Variants in AKAP7 observed in about 807,000 individuals in gnomAD.
AKAP7 encodes A kinase (PRKA) anchor protein 7.
In AKAP7, 39 loss-of-function variants were observed where a neutral mutation model predicts 39.5. The observed-to-expected ratio is 0.99, with a 90% CI of 0.76 to 1.29. The LOEUF is 1.29. AKAP7 is among the 50% of genes most tolerant of loss of function. The probability of loss-of-function intolerance (pLI) is 0.00; values close to 1 mark genes in which losing one functional copy is unlikely to be tolerated. For synonymous variants in AKAP7, 140 were observed against 139.1 expected, an observed-to-expected ratio of 1.01 and a Z score of -0.05; for missense variants, 414 against 407.7, an observed-to-expected ratio of 1.02 and a Z score of -0.13.
rs1229342758 is a variant in AKAP7 at position 131,283,285 on chromosome 6, G to C, written c.*1559G>C. On this transcript the variant is annotated 3_prime_UTR_variant, in exon 8 of 8. Transcript: ENST00000431975. Reference sequence around the variant, plus strand: ...GAACTTGTTTGCACTGCTTCTGTTTGAAAGAGCATCTTGAAAAACTTCCCC... The same window carrying C: ...GAACTTGTTTGCACTGCTTCTGTTTCAAAGAGCATCTTGAAAAACTTCCCC... The C allele has an allele frequency of 6.6e-6, 1 of 152,570 alleles. No homozygotes were observed. Among genetic ancestry groups the C allele is most frequent in the Non-Finnish European group, 1.5e-5 (1 of 68,034 alleles). The allele number at this position is 152,570 out of a possible 1,614,324, so 9.5% of individuals were successfully genotyped here. A position where few individuals can be genotyped will look rare whatever the true frequency, so the allele number is the denominator to read the frequency against.
At chr6:131,185,241 C>T (rs1585038505) in intron 5 of AKAP7, 3 of 467,412 alleles carry the variant, frequency 6.4e-6, no homozygotes, top group African/African-American at 2.0e-5. Context: ...GGGGTGGGCT[C>T]ACCGCTTTTT....
At chr6:131,259,560 T>C (rs193151148) in intron 7 of AKAP7, among the ~76,000 whole-genome samples, 1 of 152,346 alleles carries the variant, frequency 6.6e-6, no homozygotes, top group African/African-American at 2.4e-5. Flanking sequence ...CATTTTCTTT[T>C]GGTGGTCTTA....
intron 5 of AKAP7, among the ~76,000 whole-genome samples, chr6:131,183,119 T>C (rs747315548): frequency 9.9e-5 from 15 of 152,248 alleles, no homozygotes; most frequent in African/African-American, 2.6e-4. Flanking sequence ...TTATGTTTAC[T>C]GATGTTTAGA....
rs1018653757 is a variant in AKAP7, at chr6:131,245,497, A to G, written c.850+25689A>G. ...TTTCACTACAAGAACACAGAGAAAC[A>G]AAATGTAATACTGGGTATGTCCATC... is the stretch of plus-strand genomic sequence containing the variant. On this transcript the variant is annotated intron_variant, in intron 7 of 7. Transcript: ENST00000431975. 5.3e-5 allele frequency among the ~76,000 whole-genome samples: 8 copies of G among 151,748 alleles called. 1 individual carries two copies. Among genetic ancestry groups the G allele is most frequent in the African/African-American group, 1.9e-4 (8 of 41,318 alleles).
At chr6:131,241,601 G>GTATATATATATATA (rs1174091023) in intron 7 of AKAP7, among the ~76,000 whole-genome samples, 3 of 97,602 alleles carry the variant, frequency 3.1e-5, no homozygotes, top group Admixed American at 9.3e-5. Flanking sequence ...GTGTGTGTGT[G>GTATATATATATATA]TGTGTGTGTG....
chr6:131,179,691 G>A (rs991034424), intron 5 of AKAP7, among the ~76,000 whole-genome samples: 1 of 152,100 alleles, frequency 6.6e-6, no homozygotes, highest in Non-Finnish European at 1.5e-5. Flanking sequence ...AACATAGTGA[G>A]ACTTTGTTTC....
intron 5 of AKAP7, among the ~76,000 whole-genome samples, chr6:131,181,825 T>C (rs1002248586): frequency 6.6e-6 from 1 of 152,144 alleles, no homozygotes; most frequent in Non-Finnish European, 1.5e-5. Context: ...GCCACTGATC[T>C]TTTTTATTTA....
At chr6:131,235,135 C>T (rs917785920) in intron 7 of AKAP7, among the ~76,000 whole-genome samples, 1 of 152,100 alleles carries the variant, frequency 6.6e-6, no homozygotes. Context: ...TCAATTCCCA[C>T]CTATGAATGA....
At chr6:131,239,315 A>C (rs1482965817) in intron 7 of AKAP7, among the ~76,000 whole-genome samples, 1 of 152,122 alleles carries the variant, frequency 6.6e-6, no homozygotes, top group Non-Finnish European at 1.5e-5. Context: ...GGGTAACCCA[A>C]CCTTTCTCTC....
At chr6:131,198,768 C>T (rs867455103) in intron 5 of AKAP7, among the ~76,000 whole-genome samples, 1 of 152,176 alleles carries the variant, frequency 6.6e-6, no homozygotes, top group South Asian at 2.1e-4. Context: ...ACACTCTTCC[C>T]TCTAATCCTT....
intron 7 of AKAP7, among the ~76,000 whole-genome samples, chr6:131,239,501 T>C (rs1372104149): frequency 6.6e-6 from 1 of 152,218 alleles, no homozygotes; most frequent in Non-Finnish European, 1.5e-5. Flanking sequence ...CTGCAGAGTG[T>C]TTTCCAACTT....
intron 6 of AKAP7, among the ~76,000 whole-genome samples, chr6:131,213,288 A>G (rs1808846013): frequency 1.3e-5 from 2 of 152,204 alleles, no homozygotes. Context: ...TATACTGAGA[A>G]TTTTTTATAC....
chr6:131,271,838 C>T (rs114891172), intron 7 of AKAP7, among the ~76,000 whole-genome samples: 3 of 152,050 alleles, frequency 2.0e-5, no homozygotes, highest in Admixed American at 6.6e-5. Flanking sequence ...AGGTACATTG[C>T]GGTTTAAAAA....
intron 7 of AKAP7, among the ~76,000 whole-genome samples, chr6:131,271,345 AAATT>A (rs1425863716): frequency 6.6e-6 from 1 of 152,094 alleles, no homozygotes; most frequent in Admixed American, 6.6e-5. Context: ...CCTTTGTTGA[AAATT>A]AATTGGCCAT....
At chr6:131,153,739 C>T (rs984303197) in intron 2 of AKAP7, among the ~76,000 whole-genome samples, 2 of 151,870 alleles carry the variant, frequency 1.3e-5, no homozygotes, top group Non-Finnish European at 2.9e-5. Context: ...GAGTAAAATA[C>T]AGAAAAAATG....
At chr6:131,131,281 G>A (rs1305551516), upstream of AKAP7, among the ~76,000 whole-genome samples, 2 of 152,254 alleles carry the variant, frequency 1.3e-5, no homozygotes, top group East Asian at 3.9e-4. Flanking sequence ...ATCTTTATGA[G>A]GGGTTGTCTA....
rs541976574 is a variant in AKAP7, at chr6:131,208,582, T to C, written c.702+9009T>C. On this transcript the variant is annotated intron_variant, in intron 6 of 7. Coordinates refer to ENST00000431975, the MANE Select transcript of AKAP7 (RefSeq NM_016377.4). ...AATAGCATTTTCTGAGATTTTTCTT[T>C]CTGAATATCTGTCAGGGTTTTATGT... Among the ~76,000 whole-genome samples the C allele has an allele frequency of 3.9e-5, 6 of 152,380 alleles. No individual in the cohort carries two copies. The East Asian group carries it at 1.2e-3, about 29-fold the overall frequency.
the AKAP7 span, among the ~76,000 whole-genome samples, chr6:131,127,212 A>AT: frequency 6.6e-6 from 1 of 151,646 alleles, no homozygotes; most frequent in East Asian, 1.9e-4. Context: ...TGACCGGTTA[A>AT]TTTTTTTGTA....
intron 7 of AKAP7, among the ~76,000 whole-genome samples, chr6:131,254,492 C>A (rs12214638): frequency 6.6e-6 from 1 of 152,104 alleles, no homozygotes; most frequent in Non-Finnish European, 1.5e-5. Context: ...ATGTAGATAC[C>A]TCTGTAACTA....
Sources: allele counts gnomAD v4.1 joint callset (sites outside exome capture counted in the v4.1 genomes callset), GRCh38; gene constraint gnomAD v4.1.1; transcripts MANE v1.5; gene names NCBI Gene and HGNC (gene_info 2026-07-23, HGNC 2026-07-21).